Variants in ARHGEF10 observed in about 807,000 individuals in gnomAD.
The protein encoded by ARHGEF10 is Rho guanine nucleotide exchange factor 10, also known as Rho guanine nucleotide exchange factor (GEF) 10.
Under a neutral mutation model 147.4 loss-of-function variants are expected in ARHGEF10, and 140 were observed. That is an observed-to-expected ratio of 0.95 (90% confidence interval 0.83 to 1.09). ARHGEF10 has a LOEUF of 1.09. Among genes scored for constraint, ARHGEF10 ranks in the 50% least tolerant of loss-of-function variants. The probability of loss-of-function intolerance (pLI) is 0.00; values close to 1 mark genes in which losing one functional copy is unlikely to be tolerated. For synonymous variants in ARHGEF10, 902 were observed against 695.8 expected (o/e 1.30, Z -4.67); for missense variants, 2,222 against 1,752.7 (o/e 1.27, Z -4.78).
chr8:1,852,637 A>G (rs1805237618), intron 2 of ARHGEF10, among the ~76,000 whole-genome samples: 1 of 152,222 alleles, frequency 6.6e-6, no homozygotes, highest in South Asian at 2.1e-4. Context: ...ATATAGGCAT[A>G]ACTTAAAATG....
rs1471560620 is a variant in ARHGEF10, at chr8:1,864,884, C to G, written c.545+448C>G. Among the ~76,000 whole-genome samples, 8 of 152,162 alleles carry G rather than the reference C, an allele frequency of 5.3e-5. No individual in the cohort carries two copies. In the East Asian group the frequency reaches 1.5e-3, roughly 29 times the overall value. On this transcript the variant is annotated intron_variant, in intron 5 of 28. Transcript: ENST00000349830. Reference sequence around the variant, plus strand: ...CCAGGTAGGTCCAGCCACGGTTCTCCATTAGAAATTGCAGATTTTATGTAA... The same window carrying G: ...CCAGGTAGGTCCAGCCACGGTTCTCGATTAGAAATTGCAGATTTTATGTAA...
At chr8:1,873,288 C>T (rs1807289471) in intron 7 of ARHGEF10, among the ~76,000 whole-genome samples, 4 of 152,202 alleles carry the variant, frequency 2.6e-5, no homozygotes, top group Admixed American at 2.6e-4. Flanking sequence ...GCAGAAGTAT[C>T]CAGTAAACCA....
At chr8:1,879,355 C>G (rs748170645) in intron 8 of ARHGEF10, among the ~76,000 whole-genome samples, 1 of 152,104 alleles carries the variant, frequency 6.6e-6, no homozygotes, top group Non-Finnish European at 1.5e-5. Flanking sequence ...GTATCTTTTG[C>G]TTGGATGCCA....
chr8:1,936,688 G>C (rs757421725), intron 26 of ARHGEF10, among the ~76,000 whole-genome samples: 1 of 152,206 alleles, frequency 6.6e-6, no homozygotes, highest in African/African-American at 2.4e-5. Flanking sequence ...CTAGACCATC[G>C]TTAGGAGGGA....
intron 8 of ARHGEF10, 140 bp from the exon 9 acceptor site, chr8:1,879,908 G>C (rs149030968): frequency 2.7e-6 from 2 of 749,008 alleles, no homozygotes; most frequent in Non-Finnish European, 4.9e-6. Context: ...GGGGACTCTC[G>C]CGTGTGGTCC....
chr8:1,897,421 T>C (rs1357465977), intron 14 of ARHGEF10, among the ~76,000 whole-genome samples: 3 of 150,284 alleles, frequency 2.0e-5, no homozygotes, highest in Non-Finnish European at 4.4e-5. Context: ...GTGGGCTCTG[T>C]CCTAAGGGAT....
intron 26 of ARHGEF10, among the ~76,000 whole-genome samples, chr8:1,942,133 G>C (rs117285378): frequency 0.049 from 7,434 of 151,574 alleles, 249 homozygotes; most frequent in Middle Eastern, 0.1. Flanking sequence ...CTTCATTAAA[G>C]TTAAAACCTT....
intron 11 of ARHGEF10, among the ~76,000 whole-genome samples, chr8:1,886,863 G>GCTC (rs760454545): frequency 5.3e-5 from 8 of 152,140 alleles, no homozygotes; most frequent in Non-Finnish European, 1.0e-4. Flanking sequence ...ATCGCAGCCT[G>GCTC]CTCCTAACCT....
intron 1 of ARHGEF10, among the ~76,000 whole-genome samples, chr8:1,828,633 TTAACG>T (rs1802907673): frequency 1.5e-5 from 2 of 132,460 alleles, no homozygotes; most frequent in African/African-American, 6.0e-5. Flanking sequence ...GCATGCACAC[TTAACG>T]GTTTTAAGGA....
At chr8:1,839,849 G>A (rs1397051274) in intron 1 of ARHGEF10, among the ~76,000 whole-genome samples, 1 of 129,128 alleles carries the variant, frequency 7.7e-6, no homozygotes, top group Non-Finnish European at 1.6e-5. Flanking sequence ...TGGTGTGGAA[G>A]CTGTCTGGTG....
At chr8:1,864,261 T>TGTG in intron 4 of ARHGEF10, 112 bp from the exon 5 acceptor site, 1 of 1,068,512 alleles carries the variant, frequency 9.4e-7, no homozygotes, top group South Asian at 1.3e-5. Context: ...TATGCTAAGA[T>TGTG]AAGCCTCTGA....
At position 1,957,192 on chromosome 8, in the gene ARHGEF10, G is replaced by T. The variant is rs772914728; in HGVS notation, c.3964G>T (p.Ala1322Ser). ...GGGCCACCGCCGGGTGCACAGGAAG[G>T]CCCGGCAGCCCCACCAGGAAGAGCT... ...GQGHRRVHRKARQPHQEELAP... is the reference protein window; with the variant it reads ...GQGHRRVHRKSRQPHQEELAP... The change falls in exon 29 of 29, where the codon GCC (alanine) becomes TCC (serine). Residue 1322 changes from alanine to serine, a missense_variant. By Grantham distance (99) the Ala-to-Ser change is moderately conservative. Transcript: ENST00000349830. 1.1e-5 allele frequency: 18 copies of T among 1,612,270 alleles called. No homozygotes were observed. Among genetic ancestry groups the T allele is most frequent in the Non-Finnish European group, 1.4e-5 (16 of 1,179,968 alleles).
intron 11 of ARHGEF10, among the ~76,000 whole-genome samples, chr8:1,893,271 A>C (rs1181273830): frequency 6.6e-6 from 1 of 152,214 alleles, no homozygotes; most frequent in Non-Finnish European, 1.5e-5. Context: ...CATAAAATAC[A>C]ATCTGTTAAT....
intron 1 of ARHGEF10, among the ~76,000 whole-genome samples, chr8:1,826,393 CGTGTGTTTGTGTGTGTGCT>C (rs1802771223): frequency 6.7e-6 from 1 of 149,656 alleles, no homozygotes; most frequent in Admixed American, 6.7e-5. Context: ...TTTGTGTGTG[CGTGTGTTTGTGTGTGTGCT>C]GTGTGTGTGT....
In ARHGEF10 at chr8:1,864,859, C is replaced by T. The variant is rs78140663; in HGVS notation, c.545+423C>T. ...CCCCAGTTTAAACAGAGTTGTGCCA[C>T]CAGGTAGGTCCAGCCACGGTTCTCC... is the stretch of plus-strand genomic sequence containing the variant. On this transcript the variant is annotated intron_variant, in intron 5 of 28. Transcript: ENST00000349830. 5.7e-3 allele frequency among the ~76,000 whole-genome samples: 866 copies of T among 152,280 alleles called. 57 individuals carry two copies. The East Asian group carries it at 0.14, about 25-fold the overall frequency.
intron 14 of ARHGEF10, 22 bp from the exon 15 acceptor site, chr8:1,898,411 A>C: frequency 6.2e-7 from 1 of 1,611,394 alleles, no homozygotes; most frequent in Non-Finnish European, 8.5e-7. Context: ...CAGGGAGGTG[A>C]CCCCGGTGCC....
Position 1,893,610 on chromosome 8 carries a change from A to G in ARHGEF10, c.1224A>G (p.Glu408=). Residue 408 remains glutamate (E), a synonymous_variant, in exon 12 of 29, where the codon GAA becomes GAG. Transcript: ENST00000349830. ...TACTGGGTTCAGTTGTCGACAGTGAAAAGAACTACGTAGATGCTCTTAAGA... is the reference window on the plus strand; with the variant it reads ...TACTGGGTTCAGTTGTCGACAGTGAGAAGAACTACGTAGATGCTCTTAAGA... ...RYILGSVVDS[E]KNYVDALKRI... 3 of 1,613,756 alleles carry G rather than the reference A, an allele frequency of 1.9e-6. No individual in the cohort carries two copies. Among genetic ancestry groups the G allele is most frequent in the Non-Finnish European group, 2.5e-6 (3 of 1,179,762 alleles).
intron 16 of ARHGEF10, among the ~76,000 whole-genome samples, chr8:1,904,950 G>C (rs188305510): frequency 6.6e-6 from 1 of 152,090 alleles, no homozygotes; most frequent in African/African-American, 2.4e-5. Context: ...ACAAAACCCC[G>C]TCTCTACTAA....
chr8:1,833,700 C>T (rs1314570550), intron 1 of ARHGEF10, among the ~76,000 whole-genome samples: 1 of 152,208 alleles, frequency 6.6e-6, no homozygotes, highest in East Asian at 1.9e-4. Context: ...TCATGCCCGG[C>T]CCAGCTTGTT....
Sources: allele counts gnomAD v4.1 joint callset (sites outside exome capture counted in the v4.1 genomes callset), GRCh38; gene constraint gnomAD v4.1.1; transcripts MANE v1.5; gene names NCBI Gene and HGNC (gene_info 2026-07-23, HGNC 2026-07-21).